The following EXOC5 variants were observed in gnomAD, a reference collection of about 807,000 sequenced individuals.
EXOC5 encodes SEC10-like 1.
In EXOC5, 17 loss-of-function variants were observed where a neutral mutation model predicts 90.8. The ratio of observed to expected loss-of-function variants is 0.19; its 90% confidence interval spans 0.13 to 0.28. The LOEUF (loss-of-function observed/expected upper bound fraction) is 0.28, where lower values mean the gene tolerates loss of function less well. Among genes scored for constraint, EXOC5 ranks in the 10% least tolerant of loss-of-function variants. The probability of loss-of-function intolerance (pLI) is 1.00; values close to 1 mark genes in which losing one functional copy is unlikely to be tolerated. For missense variants in EXOC5, 569 were observed against 830.6 expected, an observed-to-expected ratio of 0.69 and a Z score of 3.87; for synonymous variants, 260 against 270.0, an observed-to-expected ratio of 0.96 and a Z score of 0.36.
chr14:57,242,253 C>CT lies in EXOC5; in HGVS notation c.465+1911dup, dbSNP rs541657991. 2.5e-3 allele frequency among the ~76,000 whole-genome samples: 374 copies of CT among 150,682 alleles called. 1 individual carries two copies. The highest frequency in any genetic ancestry group is 0.011 in the South Asian group (53 of 4,742). On this transcript the variant is annotated intron_variant, in intron 4 of 17. Transcript: ENST00000621441. ...TTTGTTTTCAGAATATGAGAAGATTCTTTTTTTTCTTGAGACAGGGTCTGT... is the reference window on the plus strand; with the variant it reads ...TTTGTTTTCAGAATATGAGAAGATTCTTTTTTTTTCTTGAGACAGGGTCTGT...
chr14:57,235,948 TG>T (rs768031079), intron 6 of EXOC5, 128 bp from the exon 7 acceptor site: 6 of 616,412 alleles, frequency 9.7e-6, no homozygotes, highest in Non-Finnish European at 1.8e-5. Flanking sequence ...CAAAAACAAA[TG>T]AGATTATAGG....
At chr14:57,267,261 C>A (rs554527867) in intron 1 of EXOC5, among the ~76,000 whole-genome samples, 1 of 152,148 alleles carries the variant, frequency 6.6e-6, no homozygotes, top group Non-Finnish European at 1.5e-5. Context: ...TGAGAAAATA[C>A]AATATCTCTG....
intron 9 of EXOC5, chr14:57,233,237 TAA>T (rs372261625): frequency 1.7e-4 from 24 of 142,560 alleles, no homozygotes; most frequent in Non-Finnish European, 2.5e-4. Flanking sequence ...TGAATTGTGT[TAA>T]AAAAAAAAAA....
At chr14:57,260,449 T>C (rs933189216) in intron 1 of EXOC5, among the ~76,000 whole-genome samples, 4 of 152,276 alleles carry the variant, frequency 2.6e-5, no homozygotes, top group Non-Finnish European at 5.9e-5. Flanking sequence ...AATTAGCCAA[T>C]TAATCATGTT....
At chr14:57,261,768 G>A (rs973607711) in intron 1 of EXOC5, among the ~76,000 whole-genome samples, 1 of 152,206 alleles carries the variant, frequency 6.6e-6, no homozygotes, top group Non-Finnish European at 1.5e-5. Flanking sequence ...ACTGTTAGCT[G>A]GGAGTTCAGC....
At chr14:57,259,287 T>C (rs1884433243) in intron 1 of EXOC5, among the ~76,000 whole-genome samples, 1 of 152,090 alleles carries the variant, frequency 6.6e-6, no homozygotes, top group Non-Finnish European at 1.5e-5. Flanking sequence ...TTAGTAGAGA[T>C]GGGGTTTTGC....
chr14:57,250,270 T>C (rs758437363), intron 1 of EXOC5, among the ~76,000 whole-genome samples: 1 of 152,118 alleles, frequency 6.6e-6, no homozygotes, highest in Non-Finnish European at 1.5e-5. Context: ...AGAATAATTG[T>C]GGATGAGGTC....
chr14:57,232,605 G>T, intron 10 of EXOC5, 62 bp downstream of exon 10: 1 of 715,530 alleles, frequency 1.4e-6, no homozygotes, highest in Non-Finnish European at 2.3e-6. Flanking sequence ...ATACTTCCTT[G>T]TTTTTATCAA....
At chr14:57,232,304 G>A (rs1883510243) in intron 10 of EXOC5, 1 of 158,178 alleles carries the variant, frequency 6.3e-6, no homozygotes, top group Non-Finnish European at 1.4e-5. Flanking sequence ...ATCTCTAAGA[G>A]TAACACTGAC....
chr14:57,231,450 T>C (rs1883483846), intron 11 of EXOC5, 56 bp downstream of exon 11: 11 of 1,205,424 alleles, frequency 9.1e-6, no homozygotes, highest in Non-Finnish European at 1.2e-5. Flanking sequence ...TGCCCAAATA[T>C]AATGAAGTTA....
intron 4 of EXOC5, 37 bp from the exon 5 acceptor site, chr14:57,239,696 C>T (rs889082892): frequency 7.9e-7 from 1 of 1,264,854 alleles, no homozygotes; most frequent in Non-Finnish European, 1.1e-6. Context: ...ATTTAAAAAA[C>T]TTTTAGGCAT....
chr14:57,235,373 C>G (rs978472375), intron 7 of EXOC5, among the ~76,000 whole-genome samples: 1 of 152,010 alleles, frequency 6.6e-6, no homozygotes, highest in Non-Finnish European at 1.5e-5. Flanking sequence ...CAGATATTTA[C>G]GGTCACGTTT....
At chr14:57,216,450 C>T (rs1254819586) in intron 15 of EXOC5, among the ~76,000 whole-genome samples, 5 of 152,006 alleles carry the variant, frequency 3.3e-5, no homozygotes, top group African/African-American at 1.2e-4. Context: ...ATACACAGCC[C>T]AATGGAACAG....
In EXOC5 at chr14:57,208,068, GC is replaced by G. The variant is rs1171873314; in HGVS notation, c.*540del. ...CAGAAAAAAATCCAATCAACCAACT[GC>G]AGAAAGTATGCTTAATTGTTAACCT... On this transcript the variant is annotated 3_prime_UTR_variant, in exon 18 of 18. Transcript: ENST00000621441. 6.6e-6 allele frequency: 1 copy of G among 152,166 alleles called. No homozygotes were observed. The highest frequency in any genetic ancestry group is 2.4e-5 in the African/African-American group (1 of 41,424). 9.4% of individuals were successfully genotyped at this position (152,166 alleles called of 1,614,324 possible).
At chr14:57,256,735 C>T (rs1884359227) in intron 1 of EXOC5, among the ~76,000 whole-genome samples, 1 of 152,140 alleles carries the variant, frequency 6.6e-6, no homozygotes, top group African/African-American at 2.4e-5. Flanking sequence ...GACACTTCAC[C>T]CAATGTCATG....
At chr14:57,213,285 G>T (rs970426523) in intron 15 of EXOC5, among the ~76,000 whole-genome samples, 7 of 152,152 alleles carry the variant, frequency 4.6e-5, no homozygotes, top group African/African-American at 1.7e-4. Context: ...AAGAAGCTGA[G>T]GTGGGAGGAC....
intron 17 of EXOC5, 77 bp from the exon 18 acceptor site, chr14:57,208,874 A>G (rs1325614754): frequency 1.0e-6 from 1 of 986,756 alleles, no homozygotes; most frequent in Non-Finnish European, 1.5e-6. Flanking sequence ...AACTTTTTAC[A>G]TACTGTCAGG....
At chr14:57,215,359 A>T (rs1211739922) in intron 15 of EXOC5, among the ~76,000 whole-genome samples, 1 of 152,170 alleles carries the variant, frequency 6.6e-6, no homozygotes, top group African/African-American at 2.4e-5. Flanking sequence ...AAGCCAGAGA[A>T]GGACAATATA....
Position 57,218,025 on chromosome 14 carries a change from TTTC to T in EXOC5, c.1567_1569del (p.Glu523del). 1 of 1,577,312 alleles carries T rather than the reference TTTC, an allele frequency of 6.3e-7. No individual in the cohort carries two copies. The highest frequency in any genetic ancestry group is 1.1e-5 in the South Asian group (1 of 89,498). On this transcript the variant is annotated inframe_deletion, in exon 15 of 18. Coordinates refer to ENST00000621441, the MANE Select transcript of EXOC5 (RefSeq NM_006544.4). ...AATTTCATCTCCATTTGTTCAATTATTTCTTTTTTCTTCTGAAGGCATTCAGAT... is the reference window on the plus strand; with the variant it reads ...AATTTCATCTCCATTTGTTCAATTATTTTTTTCTTCTGAAGGCATTCAGAT...
Sources: allele counts gnomAD v4.1 joint callset (sites outside exome capture counted in the v4.1 genomes callset), GRCh38; gene constraint gnomAD v4.1.1; transcripts MANE v1.5; gene names NCBI Gene and HGNC (gene_info 2026-07-23, HGNC 2026-07-21).